Variants in TXNRD1 observed in about 807,000 individuals in gnomAD.
TXNRD1 encodes thioredoxin reductase 1, cytoplasmic.
Under a neutral mutation model 80.3 loss-of-function variants are expected in TXNRD1, and 57 were observed. The ratio of observed to expected loss-of-function variants is 0.71; its 90% CI spans 0.57 to 0.89. The LOEUF (loss-of-function observed/expected upper bound fraction) is 0.89. Among genes scored for constraint, TXNRD1 ranks in the 40% least tolerant of loss-of-function variants. TXNRD1 has a pLI of 0.00. For synonymous variants in TXNRD1, 291 were observed against 285.2 expected (o/e 1.02, Z -0.20); for missense variants, 730 against 803.0 (o/e 0.91, Z 1.10).
chr12:104,304,146 A>T, intron 4 of TXNRD1: 1 of 1,614,092 alleles, frequency 6.2e-7, no homozygotes, highest in Non-Finnish European at 8.5e-7. Flanking sequence ...GAGGCTCTGG[A>T]GGAAGCCAAC....
intron 3 of TXNRD1, among the ~76,000 whole-genome samples, chr12:104,267,267 C>CTTTCTTTCTTTCTTTCTTTCTTTCTT (rs2033522542): frequency 1.4e-5 from 2 of 138,446 alleles, no homozygotes; most frequent in Non-Finnish European, 3.1e-5. Flanking sequence ...TTCTTTCTTT[C>CTTTCTTTCTTTCTTTCTTTCTTTCTT]TTTCTTTCTT....
intron 3 of TXNRD1, chr12:104,287,480 A>G (rs1230544951): frequency 9.3e-6 from 15 of 1,608,650 alleles, no homozygotes; most frequent in Middle Eastern, 3.3e-4. Flanking sequence ...GTAGATGACA[A>G]TGTGTTGAGT....
intron 1 of TXNRD1, among the ~76,000 whole-genome samples, chr12:104,248,115 T>A (rs1771654027): frequency 6.6e-6 from 1 of 152,182 alleles, no homozygotes; most frequent in South Asian, 2.1e-4. Context: ...TTTTAAAATT[T>A]TGAAGTGTCA....
chr12:104,257,032 G>A (rs1279244640), intron 2 of TXNRD1, among the ~76,000 whole-genome samples: 2 of 145,240 alleles, frequency 1.4e-5, no homozygotes, highest in African/African-American at 5.1e-5. Context: ...GTGAACTTCA[G>A]GCTACTCTGG....
chr12:104,292,985 C>G (rs977503144), intron 4 of TXNRD1, among the ~76,000 whole-genome samples: 1 of 152,098 alleles, frequency 6.6e-6, no homozygotes, highest in African/African-American at 2.4e-5. Flanking sequence ...TTTTGTATGT[C>G]CATGTATAAA....
At chr12:104,339,707 T>TCTA (rs1312259032) in intron 16 of TXNRD1, among the ~76,000 whole-genome samples, 1 of 152,184 alleles carries the variant, frequency 6.6e-6, no homozygotes, top group Admixed American at 6.5e-5. Flanking sequence ...AACTAGAAAT[T>TCTA]GACCAATCTA....
chr12:104,217,516 G>T (rs10745993), intron 1 of TXNRD1, among the ~76,000 whole-genome samples: 106,164 of 151,782 alleles, frequency 0.7, 37,781 homozygotes, highest in East Asian at 0.85. Context: ...CACCATGTTG[G>T]TCAGGCTGGT....
intron 3 of TXNRD1, among the ~76,000 whole-genome samples, chr12:104,261,388 C>G (rs1180686846): frequency 6.6e-6 from 1 of 152,172 alleles, no homozygotes; most frequent in Non-Finnish European, 1.5e-5. Flanking sequence ...GTCTTGAACT[C>G]CTGACCTCAG....
At chr12:104,278,744 GC>G (rs1228292341) in intron 3 of TXNRD1, among the ~76,000 whole-genome samples, 1 of 151,740 alleles carries the variant, frequency 6.6e-6, no homozygotes, top group African/African-American at 2.4e-5. Context: ...CTCGTGATCC[GC>G]CCGCCTCGGC....
intron 4 of TXNRD1, among the ~76,000 whole-genome samples, chr12:104,296,301 A>G (rs557920800): frequency 3.3e-5 from 5 of 152,332 alleles, no homozygotes; most frequent in African/African-American, 9.6e-5. Context: ...CATTCATTAC[A>G]TGCTTGCTGA....
At chr12:104,320,659 T>C (rs75338901) in intron 9 of TXNRD1, among the ~76,000 whole-genome samples, 4 of 152,134 alleles carry the variant, frequency 2.6e-5, no homozygotes, top group Non-Finnish European at 1.5e-5. Context: ...TTTTTTTTTT[T>C]CTGCATCCTA....
At chr12:104,283,445 T>A (rs1593748276) in intron 3 of TXNRD1, among the ~76,000 whole-genome samples, 1 of 150,874 alleles carries the variant, frequency 6.6e-6, no homozygotes, top group Non-Finnish European at 1.5e-5. Flanking sequence ...AGAGACGGGG[T>A]TTCACCATGT....
intron 9 of TXNRD1, 95 bp from the exon 10 acceptor site, chr12:104,320,996 T>C: frequency 2.3e-6 from 2 of 867,094 alleles, no homozygotes; most frequent in Non-Finnish European, 3.7e-6. Context: ...GAAAGTATGT[T>C]CTTGTCAAAG....
rs575968334 is a variant in TXNRD1, at chr12:104,320,627, A to G, written c.990-464A>G. ...GTTCTACTCCTTATAGTTGGCTTTT[A>G]TATTATAAGATATTGAAAGTTTTTT... On this transcript the variant is annotated intron_variant, in intron 9 of 16. Coordinates refer to ENST00000525566, the MANE Select transcript of TXNRD1 (RefSeq NM_001093771.3). Among the ~76,000 whole-genome samples the G allele has an allele frequency of 2.0e-5, 3 of 151,878 alleles. No individual in the cohort carries two copies. In the South Asian group the frequency reaches 6.2e-4, roughly 32 times the overall value.
At chr12:104,276,353 A>T (rs2033758295) in intron 3 of TXNRD1, among the ~76,000 whole-genome samples, 3 of 152,304 alleles carry the variant, frequency 2.0e-5, no homozygotes, top group African/African-American at 7.2e-5. Flanking sequence ...CAGAGAAGTG[A>T]AAGTAACTTG....
At chr12:104,291,160 A>C (rs2034192242) in intron 4 of TXNRD1, 1 of 460,778 alleles carries the variant, frequency 2.2e-6, no homozygotes, top group Non-Finnish European at 3.9e-6. Flanking sequence ...GAAATCATTT[A>C]GCATATTTCT....
At chr12:104,244,948 T>C (rs2032945175) in intron 1 of TXNRD1, among the ~76,000 whole-genome samples, 1 of 152,194 alleles carries the variant, frequency 6.6e-6, no homozygotes, top group Admixed American at 6.5e-5. Flanking sequence ...GTTATGGACA[T>C]GTTCAGGAGG....
chr12:104,310,137 G>C, intron 4 of TXNRD1: 4 of 1,454,730 alleles, frequency 2.7e-6, no homozygotes, highest in Non-Finnish European at 3.6e-6. Context: ...TAAAGTTAAG[G>C]CTTTTTGTTT....
chr12:104,270,415 C>G (rs2033628567), intron 3 of TXNRD1, among the ~76,000 whole-genome samples: 1 of 152,092 alleles, frequency 6.6e-6, no homozygotes, highest in African/African-American at 2.4e-5. Flanking sequence ...CTTGAGTGAC[C>G]ACATGCACTG....
Sources: gnomAD v4.1 joint callset for allele counts (sites outside exome capture counted in the v4.1 genomes callset) on GRCh38, gnomAD v4.1.1 for gene constraint, MANE v1.5 for transcripts, NCBI Gene and HGNC (gene_info 2026-07-23, HGNC 2026-07-21) for gene names.